The following PTPRM variants were observed in gnomAD, a reference collection of about 807,000 sequenced individuals.
PTPRM encodes the protein protein tyrosine phosphatase receptor type M.
In PTPRM, 47 loss-of-function variants were observed where a neutral mutation model predicts 186.7. The ratio of observed to expected loss-of-function variants is 0.25; its 90% CI spans 0.20 to 0.32. The LOEUF is 0.32. Ranked by LOEUF, PTPRM falls within the 10% of genes least tolerant of loss-of-function variation. PTPRM has a pLI of 1.00. For missense variants in PTPRM, 1,494 were observed against 1,865.0 expected (o/e 0.80, Z 3.66); for synonymous variants, 668 against 674.9 (o/e 0.99, Z 0.16).
At chr18:8,129,241 GT>G (rs11357724) in intron 13 of PTPRM, among the ~76,000 whole-genome samples, 100,553 of 151,952 alleles carry the variant, frequency 0.66, 35,618 homozygotes, top group East Asian at 0.89. Flanking sequence ...CAATTTTTAA[GT>G]AAAATTAAAC....
intron 2 of PTPRM, among the ~76,000 whole-genome samples, chr18:7,859,504 C>T (rs116954875): frequency 0.022 from 3,371 of 152,330 alleles, 63 homozygotes; most frequent in Middle Eastern, 0.071. Flanking sequence ...CTGCCTGGCA[C>T]CTGGGGCTTC....
chr18:8,275,451 A>G (rs1318490197), intron 19 of PTPRM, among the ~76,000 whole-genome samples: 1 of 152,148 alleles, frequency 6.6e-6, no homozygotes, highest in Non-Finnish European at 1.5e-5. Context: ...AAAAAAAGAA[A>G]AGAAAAGACT....
At chr18:7,949,735 A>T (rs1004266672) in intron 6 of PTPRM, among the ~76,000 whole-genome samples, 3 of 152,172 alleles carry the variant, frequency 2.0e-5, no homozygotes, top group African/African-American at 7.2e-5. Flanking sequence ...GTGGTTAATA[A>T]AATGAAGCAG....
At chr18:7,715,231 A>G (rs1182474618) in intron 1 of PTPRM, among the ~76,000 whole-genome samples, 2 of 152,220 alleles carry the variant, frequency 1.3e-5, no homozygotes, top group African/African-American at 2.4e-5. Context: ...GTAATCCATT[A>G]CATAAACAAA....
intron 7 of PTPRM, among the ~76,000 whole-genome samples, chr18:7,989,577 A>T (rs1057514106): frequency 7.9e-5 from 12 of 152,194 alleles, no homozygotes; most frequent in African/African-American, 2.9e-4. Context: ...CCCACTATGC[A>T]TATGGGATTT....
intron 1 of PTPRM, among the ~76,000 whole-genome samples, chr18:7,598,353 T>C (rs1398939048): frequency 6.6e-6 from 1 of 152,224 alleles, no homozygotes; most frequent in Non-Finnish European, 1.5e-5. Flanking sequence ...TGTTTCTAGT[T>C]ATACAAACTT....
intron 7 of PTPRM, among the ~76,000 whole-genome samples, chr18:7,984,608 C>A (rs372104545): frequency 8.6e-6 from 1 of 115,730 alleles, no homozygotes; most frequent in Admixed American, 8.6e-5. Context: ...TATATACACA[C>A]ACACACACAC....
intron 19 of PTPRM, among the ~76,000 whole-genome samples, chr18:8,288,162 C>T (rs779253227): frequency 6.6e-6 from 1 of 152,210 alleles, no homozygotes; most frequent in Non-Finnish European, 1.5e-5. Flanking sequence ...TAAGAAGCAG[C>T]AGAGAGTCTT....
chr18:7,574,139 G>C (rs1186264560), intron 1 of PTPRM, among the ~76,000 whole-genome samples: 1 of 152,114 alleles, frequency 6.6e-6, no homozygotes, highest in Non-Finnish European at 1.5e-5. Context: ...AGAGAACTGG[G>C]GGTAAAAATA....
chr18:7,590,148 G>A (rs987560929), intron 1 of PTPRM, among the ~76,000 whole-genome samples: 7 of 152,152 alleles, frequency 4.6e-5, no homozygotes, highest in African/African-American at 7.2e-5. Flanking sequence ...CTTTTGTAAC[G>A]CACTACCGAA....
chr18:8,189,937 A>G lies in PTPRM; in HGVS notation c.2300+46158A>G, dbSNP rs1468149694. Among the ~76,000 whole-genome samples the G allele has an allele frequency of 3.9e-5, 6 of 152,256 alleles. No individual in the cohort carries two copies. The East Asian group carries it at 1.2e-3, about 29-fold the overall frequency. On this transcript the variant is annotated intron_variant, in intron 14 of 32. Coordinates refer to ENST00000580170, the MANE Select transcript of PTPRM (RefSeq NM_001105244.2). ...CTTACTTAAAAATTAAAATAATGCT[A>G]TATGTTAAACATATATTCAATACCA... is the stretch of plus-strand genomic sequence containing the variant.
At chr18:7,718,715 A>T (rs948066371) in intron 1 of PTPRM, among the ~76,000 whole-genome samples, 1 of 152,216 alleles carries the variant, frequency 6.6e-6, no homozygotes, top group African/African-American at 2.4e-5. Context: ...CAAATCAGCC[A>T]GAAAGAAATA....
intron 1 of PTPRM, among the ~76,000 whole-genome samples, chr18:7,637,218 CT>C (rs2038338672): frequency 6.7e-6 from 1 of 150,098 alleles, no homozygotes; most frequent in African/African-American, 2.5e-5. Context: ...GTGTATCTGG[CT>C]AAGTAAAATG....
chr18:8,043,413 G>T (rs987809228), intron 7 of PTPRM, among the ~76,000 whole-genome samples: 1 of 152,048 alleles, frequency 6.6e-6, no homozygotes, highest in African/African-American at 2.4e-5. Context: ...TCATCAATAT[G>T]GTCCACTCTG....
At chr18:8,014,060 C>T (rs902938117) in intron 7 of PTPRM, among the ~76,000 whole-genome samples, 1 of 152,002 alleles carries the variant, frequency 6.6e-6, no homozygotes, top group Admixed American at 6.6e-5. Context: ...CCAGTTTTTT[C>T]TCTCTTTTTT....
At chr18:7,659,979 A>G (rs1357557451) in intron 1 of PTPRM, among the ~76,000 whole-genome samples, 1 of 152,152 alleles carries the variant, frequency 6.6e-6, no homozygotes, top group Admixed American at 6.5e-5. Flanking sequence ...TTTCCTCTCC[A>G]TCCAGCCTTC....
Position 7,997,409 on chromosome 18 carries a change from G to T in PTPRM, c.1132+41995G>T, listed in dbSNP as rs184126107. Among the ~76,000 whole-genome samples, 615 of 152,238 alleles carry T rather than the reference G, an allele frequency of 4.0e-3. 3 individuals carry two copies. Among genetic ancestry groups the T allele is most frequent in the African/African-American group, 0.014 (591 of 41,548 alleles). On this transcript the variant is annotated intron_variant, in intron 7 of 32. Transcript: ENST00000580170. ...AAAAATGATGTAGACTTAAATCTAA[G>T]ACTGAAACTATGAAACTGCTTAAAG...
chr18:7,894,678 C>T (rs1043301500), intron 3 of PTPRM, among the ~76,000 whole-genome samples: 9 of 151,720 alleles, frequency 5.9e-5, no homozygotes, highest in African/African-American at 2.2e-4. Flanking sequence ...CTTATGTGAA[C>T]ATGGTGCATA....
chr18:8,134,649 G>T (rs1468329130), intron 13 of PTPRM, among the ~76,000 whole-genome samples: 2 of 151,954 alleles, frequency 1.3e-5, no homozygotes, highest in African/African-American at 2.4e-5. Flanking sequence ...CTGCACTTTG[G>T]CCAGGAAGTC....
Sources: gnomAD v4.1 joint callset for allele counts (sites outside exome capture counted in the v4.1 genomes callset) on GRCh38, gnomAD v4.1.1 for gene constraint, MANE v1.5 for transcripts, NCBI Gene and HGNC (gene_info 2026-07-23, HGNC 2026-07-21) for gene names.